Variants in ERICH5 observed in about 807,000 individuals in gnomAD.
ERICH5 encodes the protein glutamate rich 5, also known as glutamate-rich protein 5.
A neutral mutation model predicts 28.0 loss-of-function variants in ERICH5; 24 were observed. That is an observed-to-expected ratio of 0.86 (90% CI 0.62 to 1.21). ERICH5 has a LOEUF of 1.21. Ranked by LOEUF, ERICH5 falls within the 50% of genes most tolerant of loss-of-function variation. ERICH5 has a pLI of 0.00. For synonymous variants in ERICH5, 163 were observed against 157.6 expected, an observed-to-expected ratio of 1.03 and a Z score of -0.25; for missense variants, 421 against 441.2, an observed-to-expected ratio of 0.95 and a Z score of 0.41.
chr8:98,068,641 C>T lies in ERICH5; in HGVS notation c.58+3914C>T, dbSNP rs1474773979. On this transcript the variant is annotated intron_variant, in intron 1 of 2. Coordinates refer to ENST00000318528, the MANE Select transcript of ERICH5 (RefSeq NM_173549.3). ...TAATGTGCCTGAAGGTGTCTATAGA[C>T]GTTCACATCCAAACCCTCCTCCCAG... is the stretch of plus-strand genomic sequence containing the variant. Among the ~76,000 whole-genome samples the T allele has an allele frequency of 6.6e-5, 10 of 152,278 alleles. No homozygotes were observed. In the East Asian group the frequency reaches 1.3e-3, roughly 21 times the overall value.
chr8:98,068,944 T>C (rs931673612), intron 1 of ERICH5, among the ~76,000 whole-genome samples: 4 of 152,220 alleles, frequency 2.6e-5, no homozygotes, highest in African/African-American at 7.2e-5. Flanking sequence ...TTCACAGTTA[T>C]GTGAATTGTT....
At chr8:98,092,777 C>CT (rs1038008713) in intron 2 of ERICH5, among the ~76,000 whole-genome samples, 2,875 of 139,840 alleles carry the variant, frequency 0.021, 77 homozygotes, top group African/African-American at 0.058. Flanking sequence ...TTTTCTTTTC[C>CT]TTTTTTTTTT....
chr8:98,070,337 A>C (rs1300355748), intron 1 of ERICH5, among the ~76,000 whole-genome samples: 3 of 152,054 alleles, frequency 2.0e-5, no homozygotes, highest in African/African-American at 7.2e-5. Context: ...CAGCCTGGGC[A>C]ACACAGTGAG....
chr8:98,092,292 G>A (rs1212738911), intron 2 of ERICH5, among the ~76,000 whole-genome samples: 2 of 151,552 alleles, frequency 1.3e-5, no homozygotes, highest in African/African-American at 4.9e-5. Flanking sequence ...CTCCCTCCTC[G>A]GCCTCCTGAG....
intron 1 of ERICH5, among the ~76,000 whole-genome samples, chr8:98,069,512 A>G (rs1563752464): frequency 1.3e-5 from 2 of 151,880 alleles, no homozygotes; most frequent in African/African-American, 2.4e-5. Flanking sequence ...ACCTAACACT[A>G]TGGAGATTTT....
intron 1 of ERICH5, among the ~76,000 whole-genome samples, chr8:98,085,560 A>AT (rs34964871): frequency 0.19 from 29,232 of 152,116 alleles, 2,986 homozygotes; most frequent in East Asian, 0.36. Context: ...ACATTTGTGT[A>AT]TAAATGTATG....
At chr8:98,066,399 C>T (rs1454050471) in intron 1 of ERICH5, among the ~76,000 whole-genome samples, 2 of 152,198 alleles carry the variant, frequency 1.3e-5, no homozygotes, top group East Asian at 3.8e-4. Context: ...GTCACCATTA[C>T]ATAGTTTTAA....
At chr8:98,093,075 G>C (rs1815436283) in intron 2 of ERICH5, 146 bp from the exon 3 acceptor site, 2 of 559,194 alleles carry the variant, frequency 3.6e-6, no homozygotes, top group Non-Finnish European at 6.3e-6. Context: ...GCCCAGCTGA[G>C]ATGATTACTT....
At chr8:98,070,894 G>A (rs550963433) in intron 1 of ERICH5, among the ~76,000 whole-genome samples, 6 of 151,796 alleles carry the variant, frequency 4.0e-5, no homozygotes, top group South Asian at 2.1e-4. Flanking sequence ...AAAGAGTGTC[G>A]GGTTGTGTAT....
chr8:98,070,514 CAGGTGTGGTGGCT>C (rs1371365042), intron 1 of ERICH5, among the ~76,000 whole-genome samples: 3 of 150,184 alleles, frequency 2.0e-5, no homozygotes, highest in African/African-American at 7.3e-5. Context: ...AAAAATTAGC[CAGGTGTGGTGGCT>C]AATTTTTTAC....
chr8:98,088,499 T>C (rs184917934), intron 1 of ERICH5, among the ~76,000 whole-genome samples: 170 of 152,312 alleles, frequency 1.1e-3, no homozygotes, highest in Non-Finnish European at 1.4e-3. Flanking sequence ...CAGGCTGAAC[T>C]GTCTCTGCTA....
rs145822670 is a variant in ERICH5, at chr8:98,085,680, GTTC to G, written c.59-3390_59-3388del. On this transcript the variant is annotated intron_variant, in intron 1 of 2. Coordinates refer to ENST00000318528, the MANE Select transcript of ERICH5 (RefSeq NM_173549.3). ...AAAAAAAGTCCTGCTAGAAATTCTT[GTTC>G]TTCTTGCTTCGAGGATAAAAATCTA... 9.6e-3 allele frequency among the ~76,000 whole-genome samples: 1,465 copies of G among 152,248 alleles called. 15 individuals carry two copies. The highest frequency in any genetic ancestry group is 0.016 in the Non-Finnish European group (1,087 of 68,006).
chr8:98,079,111 C>G (rs930073229), intron 1 of ERICH5, among the ~76,000 whole-genome samples: 2 of 150,838 alleles, frequency 1.3e-5, no homozygotes, highest in African/African-American at 4.9e-5. Flanking sequence ...TGAATTTCCC[C>G]GAAGACAGTA....
At chr8:98,071,162 A>G (rs747096801) in intron 1 of ERICH5, among the ~76,000 whole-genome samples, 1 of 152,194 alleles carries the variant, frequency 6.6e-6, no homozygotes, top group Non-Finnish European at 1.5e-5. Flanking sequence ...CCGTAATCCC[A>G]GCTACTCGGG....
rs1470528413 is a variant in ERICH5, at chr8:98,064,684, C to T, written c.15C>T (p.Ser5=). ...CGCTCCCCGCAATGGGCTGCTCCAG[C>T]AGCGCCCTCAACAAGGCCGGCGACA... MGCS[S]SALNKAGDSS... Residue 5 remains serine, a synonymous_variant, in exon 1 of 3, where the codon AGC becomes AGT. Coordinates refer to ENST00000318528, the MANE Select transcript of ERICH5 (RefSeq NM_173549.3). 1 of 1,536,630 alleles carries T rather than the reference C, an allele frequency of 6.5e-7. No homozygotes were observed.
chr8:98,076,199 G>A (rs867598893), intron 1 of ERICH5, among the ~76,000 whole-genome samples: 18 of 151,928 alleles, frequency 1.2e-4, no homozygotes, highest in Middle Eastern at 3.2e-3. Flanking sequence ...GATTTCAGGC[G>A]CCCGCCACCA....
At chr8:98,081,268 G>C (rs1815179597) in intron 1 of ERICH5, among the ~76,000 whole-genome samples, 2 of 151,826 alleles carry the variant, frequency 1.3e-5, no homozygotes, top group Non-Finnish European at 2.9e-5. Context: ...ACCATACCCA[G>C]CTAATTTTTA....
intron 2 of ERICH5, among the ~76,000 whole-genome samples, chr8:98,092,028 G>A (rs905524110): frequency 3.4e-3 from 21 of 6,232 alleles, no homozygotes; most frequent in African/African-American, 7.9e-3. Flanking sequence ...CCTTCCTTTC[G>A]AGACAAGATC....
intron 1 of ERICH5, among the ~76,000 whole-genome samples, chr8:98,083,821 C>T (rs1815223522): frequency 6.6e-6 from 1 of 152,172 alleles, no homozygotes; most frequent in Non-Finnish European, 1.5e-5. Context: ...ATACCATGCC[C>T]CAGCCTGAGC....
Sources: gnomAD v4.1 joint callset for allele counts (sites outside exome capture counted in the v4.1 genomes callset) on GRCh38, gnomAD v4.1.1 for gene constraint, MANE v1.5 for transcripts, NCBI Gene and HGNC (gene_info 2026-07-23, HGNC 2026-07-21) for gene names.